The following CCDC81 variants were observed in gnomAD, a reference collection of about 807,000 sequenced individuals.
CCDC81 encodes the protein coiled-coil domain containing 81, also known as coiled-coil domain-containing protein 81.
A neutral mutation model predicts 83.7 loss-of-function variants in CCDC81; 79 were observed. The ratio of observed to expected loss-of-function variants is 0.94; its 90% CI spans 0.79 to 1.14. The LOEUF (loss-of-function observed/expected upper bound fraction) is 1.14, where lower values mean the gene tolerates loss of function less well. Among genes scored for constraint, CCDC81 ranks in the 50% most tolerant of loss-of-function variants. The pLI, the probability that CCDC81 is intolerant of heterozygous loss-of-function variation, is 0.00. For missense variants in CCDC81, 791 were observed against 778.1 expected (o/e 1.02, Z -0.20); for synonymous variants, 252 against 278.1 (o/e 0.91, Z 0.93).
chr11:86,419,896 A>G, intron 13 of CCDC81, 32 bp from the exon 14 acceptor site: 1 of 1,586,078 alleles, frequency 6.3e-7, no homozygotes, highest in South Asian at 1.2e-5. Flanking sequence ...TCTTCCAAGT[A>G]TTATGGAGCC....
chr11:86,397,908 G>A (rs1286397302), intron 6 of CCDC81, among the ~76,000 whole-genome samples, 166 bp downstream of exon 6: 3 of 151,606 alleles, frequency 2.0e-5, no homozygotes, highest in African/African-American at 4.9e-5. Flanking sequence ...GTAGTGCAGT[G>A]GCATAATCTC....
At chr11:86,375,694 A>T (rs1441188241) in intron 1 of CCDC81, among the ~76,000 whole-genome samples, 3 of 152,160 alleles carry the variant, frequency 2.0e-5, no homozygotes, top group Non-Finnish European at 2.9e-5. Context: ...ATAAAAAGCT[A>T]CAGGGTAAGT....
In CCDC81 at chr11:86,415,784, C is replaced by T. The variant is rs563022737; in HGVS notation, c.1691+471C>T. On this transcript the variant is annotated intron_variant, in intron 13 of 14. Transcript: ENST00000445632. ...AACATCCTGGACTCGAGCAGTTCTC[C>T]CACCTCAGCCTCTGGAGTAGCTGGG... Among the ~76,000 whole-genome samples the T allele has an allele frequency of 5.3e-5, 8 of 152,250 alleles. No individual in the cohort carries two copies. The South Asian group carries it at 1.7e-3, about 32-fold the overall frequency.
chr11:86,413,978 T>G (rs1293570538), intron 11 of CCDC81, among the ~76,000 whole-genome samples: 1 of 152,170 alleles, frequency 6.6e-6, no homozygotes, highest in Non-Finnish European at 1.5e-5. Flanking sequence ...CAAGTTTCTG[T>G]GATGAAAAAA....
At chr11:86,422,273 C>G (rs2138549662) in intron 14 of CCDC81, among the ~76,000 whole-genome samples, 1 of 152,268 alleles carries the variant, frequency 6.6e-6, no homozygotes, top group East Asian at 1.9e-4. Context: ...GGCTTTGGAG[C>G]CACTGTCTGC....
chr11:86,412,257 G>A, intron 10 of CCDC81, 130 bp from the exon 11 acceptor site: 1 of 682,040 alleles, frequency 1.5e-6, no homozygotes, highest in Non-Finnish European at 2.4e-6. Context: ...AACACCAGCT[G>A]GTCCGTGTGT....
intron 5 of CCDC81, among the ~76,000 whole-genome samples, 162 bp downstream of exon 5, chr11:86,395,575 C>CAT (rs1218547055): frequency 6.6e-6 from 1 of 152,208 alleles, no homozygotes; most frequent in Non-Finnish European, 1.5e-5. Context: ...GAGTTTATTG[C>CAT]ATACACTTTC....
intron 1 of CCDC81, among the ~76,000 whole-genome samples, chr11:86,375,729 T>A (rs1948090386): frequency 6.6e-6 from 1 of 152,132 alleles, no homozygotes; most frequent in Admixed American, 6.5e-5. Flanking sequence ...CCTGGCACCT[T>A]CTCAGAGAAA....
intron 11 of CCDC81, 134 bp downstream of exon 11, chr11:86,412,693 C>T: frequency 3.8e-6 from 3 of 779,646 alleles, no homozygotes; most frequent in Non-Finnish European, 6.0e-6. Context: ...ACCCAGTTAG[C>T]AGCCAGTACT....
chr11:86,397,595 A>G lies in CCDC81; in HGVS notation c.636-26A>G, dbSNP rs537812261. The stretch of plus-strand genomic sequence containing the variant: ...GTTACCTGTTCAGGTTCAGTGCAGC[A>G]GAAAAACATATTGGCTCATTCCTAG... On this transcript the variant is annotated intron_variant, in intron 5 of 14. Coordinates refer to ENST00000445632, the MANE Select transcript of CCDC81 (RefSeq NM_001156474.2). The G allele has an allele frequency of 2.5e-6, 4 of 1,600,828 alleles. No homozygotes were observed. The South Asian group carries it at 3.4e-5, about 14-fold the overall frequency.
intron 1 of CCDC81, among the ~76,000 whole-genome samples, chr11:86,384,225 T>G (rs187460818): frequency 1.3e-5 from 2 of 152,282 alleles, no homozygotes; most frequent in African/African-American, 4.8e-5. Flanking sequence ...TTAATGAAAT[T>G]TTTGGTCATG....
At chr11:86,387,900 A>T (rs1443460245) in intron 3 of CCDC81, among the ~76,000 whole-genome samples, 2 of 152,184 alleles carry the variant, frequency 1.3e-5, no homozygotes, top group Non-Finnish European at 2.9e-5. Flanking sequence ...AAAAAACCTG[A>T]TGTAACGTAA....
At chr11:86,414,986 C>A in intron 12 of CCDC81, 107 bp from the exon 13 acceptor site, 1 of 1,425,852 alleles carries the variant, frequency 7.0e-7, no homozygotes, top group Admixed American at 2.0e-5. Context: ...TTTTGTGCCC[C>A]GCATTCCTTC....
In CCDC81 at chr11:86,396,564, T is replaced by C. The variant is rs1223007359; in HGVS notation, c.636-1057T>C. ...GAGATGTTTTGAGTGTGACATTCTC[T>C]TGTTTGTTGCTTTGGAACAACCCCC... On this transcript the variant is annotated intron_variant, in intron 5 of 14. Transcript: ENST00000445632. 2.0e-5 allele frequency among the ~76,000 whole-genome samples: 3 copies of C among 151,526 alleles called. No homozygotes were observed. In the East Asian group the frequency reaches 5.8e-4, roughly 29 times the overall value.
At chr11:86,397,471 G>A (rs1333832613) in intron 5 of CCDC81, 150 bp from the exon 6 acceptor site, 1 of 809,972 alleles carries the variant, frequency 1.2e-6, no homozygotes, top group Non-Finnish European at 1.9e-6. Flanking sequence ...TCTATGATAT[G>A]TACTTAGCAC....
intron 14 of CCDC81, among the ~76,000 whole-genome samples, chr11:86,422,292 T>C (rs1466656915): frequency 3.3e-5 from 5 of 152,174 alleles, no homozygotes; most frequent in Non-Finnish European, 7.3e-5. Context: ...GCTGGCTGTG[T>C]GACCTTCGGC....
intron 11 of CCDC81, 75 bp downstream of exon 11, chr11:86,412,634 A>G (rs890083386): frequency 3.1e-6 from 4 of 1,310,938 alleles, no homozygotes; most frequent in Non-Finnish European, 4.2e-6. Context: ...GTAGGATTGA[A>G]TCAGCATTGG....
intron 1 of CCDC81, among the ~76,000 whole-genome samples, chr11:86,382,758 T>C (rs1016646684): frequency 6.6e-6 from 1 of 152,024 alleles, no homozygotes; most frequent in Non-Finnish European, 1.5e-5. Flanking sequence ...TGGAGGAGGA[T>C]AAGCCTGCAA....
In CCDC81 at chr11:86,415,960, C is replaced by A. The variant is rs186716692; in HGVS notation, c.1691+647C>A. Among the ~76,000 whole-genome samples the A allele has an allele frequency of 1.2e-3, 187 of 152,274 alleles. 2 individuals carry two copies. The highest frequency in any genetic ancestry group is 9.5e-3 in the Admixed American group (146 of 15,298). On this transcript the variant is annotated intron_variant, in intron 13 of 14. Transcript: ENST00000445632. Reference sequence around the variant, plus strand: ...AAGTGTTGGGATTACAGGTGTGAGCCACAGCACCCAGCCTGATCAGTCTTT... The same window carrying A: ...AAGTGTTGGGATTACAGGTGTGAGCAACAGCACCCAGCCTGATCAGTCTTT...
Sources: gnomAD v4.1 joint callset for allele counts (sites outside exome capture counted in the v4.1 genomes callset) on GRCh38, gnomAD v4.1.1 for gene constraint, MANE v1.5 for transcripts, NCBI Gene and HGNC (gene_info 2026-07-23, HGNC 2026-07-21) for gene names.